Variants in KCTD16 observed in about 807,000 individuals in gnomAD.
The protein encoded by KCTD16 is potassium channel tetramerization domain containing 16.
KCTD16 carries 13 observed loss-of-function variants against 33.2 expected under a neutral mutation model. That is an observed-to-expected ratio of 0.39 (90% CI 0.25 to 0.62). The LOEUF is 0.62. Among genes scored for constraint, KCTD16 ranks in the 20% least tolerant of loss-of-function variants. KCTD16 has a pLI of 0.50. For synonymous variants in KCTD16, 197 were observed against 195.3 expected (o/e 1.01, Z -0.07); for missense variants, 441 against 525.1 (o/e 0.84, Z 1.57).
At chr5:144,234,973 C>T (rs1754209759) in intron 3 of KCTD16, among the ~76,000 whole-genome samples, 1 of 152,018 alleles carries the variant, frequency 6.6e-6, no homozygotes, top group African/African-American at 2.4e-5. Context: ...GCATCATTAA[C>T]TCTGTCTCTT....
At chr5:144,286,005 T>A (rs535929014) in intron 3 of KCTD16, among the ~76,000 whole-genome samples, 52 of 151,262 alleles carry the variant, frequency 3.4e-4, no homozygotes, top group Middle Eastern at 6.8e-3. Flanking sequence ...TAAGTCAGGA[T>A]ATCATCATGA....
chr5:144,354,718 A>G (rs554943240), intron 3 of KCTD16, among the ~76,000 whole-genome samples: 1 of 152,316 alleles, frequency 6.6e-6, no homozygotes, highest in South Asian at 2.1e-4. Flanking sequence ...GAGCCTGAGC[A>G]TGTGTTCAGT....
Position 144,206,772 on chromosome 5 carries a change from C to T in KCTD16, c.58C>T (p.Pro20Ser). 6.2e-7 allele frequency: 1 copy of T among 1,614,088 alleles called. No homozygotes were observed. The highest frequency in any genetic ancestry group is 8.5e-7 in the Non-Finnish European group (1 of 1,180,006). Reference sequence around the variant, plus strand: ...TCCTCGAGAACAAGGGTCCGCAGTTCCCAACTCCTTCCCTGAGGTGGTAGA... The same window carrying T: ...TCCTCGAGAACAAGGGTCCGCAGTTTCCAACTCCTTCCCTGAGGTGGTAGA... ...YYPREQGSAVPNSFPEVVELN... is the reference protein window; with the variant it reads ...YYPREQGSAVSNSFPEVVELN... Residue 20 changes from proline to serine, a missense_variant, in exon 3 of 4, where the codon CCC (proline) becomes TCC (serine). Physicochemically the swap from Pro to Ser is moderately conservative, Grantham distance 74 (BLOSUM62 -1). This residue lies in a region of KCTD16 where 80 missense variants were observed against 88.5 expected (regional missense o/e 0.90). Coordinates refer to ENST00000512467, the MANE Select transcript of KCTD16 (RefSeq NM_020768.4).
At chr5:144,175,781 A>G (rs1029917409) in intron 2 of KCTD16, among the ~76,000 whole-genome samples, 8 of 152,226 alleles carry the variant, frequency 5.3e-5, no homozygotes, top group Non-Finnish European at 1.2e-4. Flanking sequence ...TAATGTATTC[A>G]AGTATAAGTG....
chr5:144,421,915 T>C (rs1561602598), intron 3 of KCTD16, among the ~76,000 whole-genome samples: 1 of 152,096 alleles, frequency 6.6e-6, no homozygotes, highest in Non-Finnish European at 1.5e-5. Context: ...TCTTACCTTA[T>C]TTGTACTAAA....
At chr5:144,461,176 C>T (rs546331947) in intron 3 of KCTD16, among the ~76,000 whole-genome samples, 1 of 152,240 alleles carries the variant, frequency 6.6e-6, no homozygotes, top group Admixed American at 6.5e-5. Flanking sequence ...TATATAATTG[C>T]ATGGATGCAT....
rs566570254 is a variant in KCTD16 at position 144,461,210 on chromosome 5, C to T, written c.833-12450C>T. Among the ~76,000 whole-genome samples the T allele has an allele frequency of 3.3e-5, 5 of 152,246 alleles. No individual in the cohort carries two copies. The South Asian group carries it at 8.3e-4, about 25-fold the overall frequency. The stretch of plus-strand genomic sequence containing the variant: ...ATGCATGTCACAAAGAATTATTGAA[C>T]AAAGGGATCTTTATGGAATTACAGG... On this transcript the variant is annotated intron_variant, in intron 3 of 3. Transcript: ENST00000512467.
chr5:144,377,537 G>A (rs1202826386), intron 3 of KCTD16, among the ~76,000 whole-genome samples: 1 of 152,186 alleles, frequency 6.6e-6, no homozygotes, highest in Non-Finnish European at 1.5e-5. Context: ...CCACAGACCA[G>A]CAGTTTATGA....
rs75619769 is a variant in KCTD16, at chr5:144,305,137, C to A, written c.832+97591C>A. On this transcript the variant is annotated intron_variant, in intron 3 of 3. Transcript: ENST00000512467. ...AGAGAAAACTGATTAAGGTTAAGAC[C>A]CTCTCTTAACCTCAATCCCAAATTC... 7.2e-3 allele frequency among the ~76,000 whole-genome samples: 1,092 copies of A among 151,966 alleles called. 16 individuals carry two copies. Among genetic ancestry groups the A allele is most frequent in the African/African-American group, 0.025 (1,049 of 41,450 alleles).
intron 3 of KCTD16, among the ~76,000 whole-genome samples, chr5:144,414,296 A>G (rs1314398468): frequency 2.6e-5 from 4 of 152,144 alleles, no homozygotes; most frequent in African/African-American, 9.7e-5. Context: ...TAATAGTATA[A>G]AAAGTGCTAC....
At chr5:144,470,587 A>G (rs1479660019) in intron 3 of KCTD16, among the ~76,000 whole-genome samples, 1 of 152,224 alleles carries the variant, frequency 6.6e-6, no homozygotes, top group African/African-American at 2.4e-5. Context: ...AATGGCAAGT[A>G]AAACAGTCAA....
In KCTD16 at chr5:144,223,997, CCT is replaced by C. The variant is rs567363308; in HGVS notation, c.832+16456_832+16457del. 4.4e-3 allele frequency among the ~76,000 whole-genome samples: 667 copies of C among 151,960 alleles called. 2 individuals are homozygous for C. The highest frequency in any genetic ancestry group is 0.01 in the Middle Eastern group (3 of 294). On this transcript the variant is annotated intron_variant, in intron 3 of 3. Transcript: ENST00000512467. ...ATGTTCTAAATAAAAGGTGAATTTC[CCT>C]CTCTTGAAAACTTGGCTTTTTGCAT...
rs894714593 is a variant in KCTD16, at chr5:144,483,678, T to C, written c.*9564T>C. ...ACATGCTTTGCATATTACTGGGGAA[T>C]GTGAAAAATATTTAAAGTCAACCTA... On this transcript the variant is annotated 3_prime_UTR_variant, in exon 4 of 4. Coordinates refer to ENST00000512467, the MANE Select transcript of KCTD16 (RefSeq NM_020768.4). 5.9e-5 allele frequency: 9 copies of C among 151,980 alleles called. No homozygotes were observed. Among genetic ancestry groups the C allele is most frequent in the African/African-American group, 2.2e-4 (9 of 41,420 alleles). 9.4% of individuals were successfully genotyped at this position (151,980 alleles called of 1,614,324 possible).
intron 3 of KCTD16, among the ~76,000 whole-genome samples, chr5:144,442,478 T>TTTCC (rs765508435): frequency 6.6e-6 from 1 of 151,182 alleles, no homozygotes. Flanking sequence ...TCTTTCTTTC[T>TTTCC]GTCGTTCTTT....
intron 3 of KCTD16, among the ~76,000 whole-genome samples, chr5:144,230,022 G>T (rs1450791200): frequency 6.6e-6 from 1 of 152,092 alleles, no homozygotes; most frequent in African/African-American, 2.4e-5. Flanking sequence ...TGTGCCTGTG[G>T]TCCTAGCTAC....
chr5:144,352,541 C>CTCTTTGT (rs777017374), intron 3 of KCTD16, among the ~76,000 whole-genome samples: 7 of 152,194 alleles, frequency 4.6e-5, no homozygotes, highest in Non-Finnish European at 8.8e-5. Context: ...TGCCCTGGAA[C>CTCTTTGT]TCTTTGTTCT....
chr5:144,473,548 T>A, intron 3 of KCTD16, 112 bp from the exon 4 acceptor site: 1 of 1,114,530 alleles, frequency 9.0e-7, no homozygotes, highest in African/African-American at 1.6e-5. Context: ...TCTAAAAGCA[T>A]GGTTCTGCGA....
chr5:144,219,814 G>A (rs961024856), intron 3 of KCTD16, among the ~76,000 whole-genome samples: 1 of 151,978 alleles, frequency 6.6e-6, no homozygotes, highest in South Asian at 2.1e-4. Context: ...GTGAAACACC[G>A]CGCCTGGCCT....
chr5:144,417,731 G>A (rs577186023), intron 3 of KCTD16, among the ~76,000 whole-genome samples: 1 of 152,108 alleles, frequency 6.6e-6, no homozygotes, highest in Non-Finnish European at 1.5e-5. Context: ...TATGGTTTTA[G>A]GTCTCCTATG....
Sources: gnomAD v4.1 joint callset for allele counts (sites outside exome capture counted in the v4.1 genomes callset) on GRCh38, gnomAD v4.1.1 for gene constraint, gnomAD v4.1.1 regional missense constraint, MANE v1.5 for transcripts, NCBI Gene and HGNC (gene_info 2026-07-23, HGNC 2026-07-21) for gene names.